MAP3K13: variants seen among roughly 807,000 people sequenced by gnomAD.
MAP3K13 encodes the protein leucine zipper-bearing kinase.
A neutral mutation model predicts 104.0 loss-of-function variants in MAP3K13; 52 were observed. That is an observed-to-expected ratio of 0.50 (90% CI 0.40 to 0.63). The LOEUF (loss-of-function observed/expected upper bound fraction) is 0.63. Among genes scored for constraint, MAP3K13 ranks in the 20% least tolerant of loss-of-function variants. The pLI, the probability that MAP3K13 is intolerant of heterozygous loss-of-function variation, is 0.00. For missense variants in MAP3K13, 914 were observed against 1,218.5 expected (o/e 0.75, Z 3.72); for synonymous variants, 394 against 442.2 (o/e 0.89, Z 1.37).
intron 5 of MAP3K13, among the ~76,000 whole-genome samples, chr3:185,448,629 G>C (rs1054602140): frequency 9.2e-5 from 14 of 152,116 alleles, no homozygotes; most frequent in African/African-American, 3.1e-4. Flanking sequence ...TAGAAATGTG[G>C]GGTCATTCGT....
intron 2 of MAP3K13, among the ~76,000 whole-genome samples, chr3:185,354,891 T>G (rs1723287677): frequency 6.6e-6 from 1 of 152,120 alleles, no homozygotes; most frequent in Non-Finnish European, 1.5e-5. Flanking sequence ...GAAAAACAGG[T>G]CTTTAAAGGG....
At chr3:185,301,866 A>C (rs894355464) in intron 2 of MAP3K13, among the ~76,000 whole-genome samples, 2 of 152,188 alleles carry the variant, frequency 1.3e-5, no homozygotes, top group African/African-American at 4.8e-5. Context: ...TTTGATTACT[A>C]AAGTTTTGTA....
intron 3 of MAP3K13, among the ~76,000 whole-genome samples, chr3:185,442,735 T>C (rs1218188038): frequency 6.6e-6 from 1 of 152,134 alleles, no homozygotes; most frequent in Non-Finnish European, 1.5e-5. Context: ...GGTTTCACCA[T>C]GCTGGCCAAG....
At chr3:185,325,142 G>T (rs530165375) in intron 2 of MAP3K13, among the ~76,000 whole-genome samples, 3 of 152,170 alleles carry the variant, frequency 2.0e-5, no homozygotes, top group South Asian at 2.1e-4. Flanking sequence ...GGCTGAAAAG[G>T]TTACTTACTA....
At chr3:185,303,759 A>G (rs1423326305) in intron 2 of MAP3K13, among the ~76,000 whole-genome samples, 1 of 151,634 alleles carries the variant, frequency 6.6e-6, no homozygotes, top group East Asian at 1.9e-4. Flanking sequence ...GCCTTTTTTA[A>G]AAAGACAAGT....
chr3:185,461,450 C>T (rs1410411095), intron 7 of MAP3K13, among the ~76,000 whole-genome samples: 1 of 152,134 alleles, frequency 6.6e-6, no homozygotes, highest in African/African-American at 2.4e-5. Context: ...TGGGGAAAAC[C>T]TTCTATAAAT....
chr3:185,461,542 T>C (rs749539030), intron 7 of MAP3K13, among the ~76,000 whole-genome samples: 1 of 152,142 alleles, frequency 6.6e-6, no homozygotes, highest in Non-Finnish European at 1.5e-5. Flanking sequence ...TGAGAGCTAC[T>C]GTCTTTTATT....
At chr3:185,338,967 TG>T (rs1722617897) in intron 2 of MAP3K13, among the ~76,000 whole-genome samples, 1 of 152,010 alleles carries the variant, frequency 6.6e-6, no homozygotes, top group African/African-American at 2.4e-5. Flanking sequence ...GCACAAAAGG[TG>T]GAAACAAAAT....
At chr3:185,410,106 A>C (rs1361796814) in intron 1 of MAP3K13, among the ~76,000 whole-genome samples, 3 of 152,206 alleles carry the variant, frequency 2.0e-5, no homozygotes, top group Non-Finnish European at 2.9e-5. Flanking sequence ...GGCAGAGCTC[A>C]GGCAGTAATA....
intron 1 of MAP3K13, among the ~76,000 whole-genome samples, chr3:185,419,537 A>T (rs977841595): frequency 6.6e-6 from 1 of 152,246 alleles, no homozygotes; most frequent in Non-Finnish European, 1.5e-5. Flanking sequence ...AACAACAGTA[A>T]TAACCACTGT....
chr3:185,456,672 G>C (rs1047393035), intron 7 of MAP3K13, among the ~76,000 whole-genome samples: 2 of 130,358 alleles, frequency 1.5e-5, no homozygotes. Flanking sequence ...CGCAATCTCT[G>C]CTCACTGCAG....
intron 1 of MAP3K13, among the ~76,000 whole-genome samples, chr3:185,399,320 T>C (rs1712617081): frequency 1.3e-5 from 2 of 151,938 alleles, no homozygotes; most frequent in South Asian, 4.2e-4. Context: ...AAAAATGATA[T>C]GATGCCAGGT....
chr3:185,359,389 A>G (rs2108739356), upstream of MAP3K13, among the ~76,000 whole-genome samples: 1 of 152,276 alleles, frequency 6.6e-6, no homozygotes, highest in Non-Finnish European at 1.5e-5. Context: ...TTGGGTGGGG[A>G]CACAGAGCCA....
intron 1 of MAP3K13, among the ~76,000 whole-genome samples, chr3:185,386,303 A>G (rs960381066): frequency 4.6e-5 from 7 of 152,222 alleles, no homozygotes; most frequent in Non-Finnish European, 8.8e-5. Flanking sequence ...GCCAACAAAC[A>G]TATCAAAAAA....
chr3:185,406,243 G>T (rs1480905411), intron 1 of MAP3K13, among the ~76,000 whole-genome samples: 1 of 152,090 alleles, frequency 6.6e-6, no homozygotes, highest in African/African-American at 2.4e-5. Flanking sequence ...CTTCCTAGCC[G>T]GCAATTTAGT....
At chr3:185,455,436 T>TATATATGAGATATATATC in intron 7 of MAP3K13, among the ~76,000 whole-genome samples, 1 of 68,508 alleles carries the variant, frequency 1.5e-5, no homozygotes, top group Non-Finnish European at 3.2e-5. Context: ...ATATATGAGA[T>TATATATGAGATATATATC]ATATATATGA....
intron 1 of MAP3K13, among the ~76,000 whole-genome samples, chr3:185,405,047 G>T (rs1713035107): frequency 6.6e-6 from 1 of 152,130 alleles, no homozygotes; most frequent in African/African-American, 2.4e-5. Context: ...CACTAGCAAT[G>T]CATTTCAGTA....
chr3:185,355,803 A>G (rs553464042), intron 2 of MAP3K13, among the ~76,000 whole-genome samples: 1 of 152,372 alleles, frequency 6.6e-6, no homozygotes, highest in South Asian at 2.1e-4. Context: ...CAACCACAGA[A>G]TAAGAATAAC....
chr3:185,284,699 G>C (rs1248211415), intron 1 of MAP3K13, among the ~76,000 whole-genome samples: 7 of 151,654 alleles, frequency 4.6e-5, no homozygotes, highest in Non-Finnish European at 8.8e-5. Flanking sequence ...GGGCGACAGA[G>C]TTAACTCCTC....
Sources: allele counts gnomAD v4.1 joint callset (sites outside exome capture counted in the v4.1 genomes callset), GRCh38; gene constraint gnomAD v4.1.1; transcripts MANE v1.5; gene names NCBI Gene and HGNC (gene_info 2026-07-23, HGNC 2026-07-21).